The following PTPRD variants were observed in gnomAD, a reference collection of about 807,000 sequenced individuals.
PTPRD encodes the protein receptor-type tyrosine-protein phosphatase delta.
Under a neutral mutation model 214.5 loss-of-function variants are expected in PTPRD, and 34 were observed. That is an observed-to-expected ratio of 0.16 (90% CI 0.12 to 0.21). The LOEUF is 0.21. PTPRD is among the 10% of genes least tolerant of loss of function. The pLI is 1.00. For synonymous variants in PTPRD, 1,128 were observed against 845.7 expected, an observed-to-expected ratio of 1.33 and a Z score of -5.79; for missense variants, 2,545 against 2,398.7, an observed-to-expected ratio of 1.06 and a Z score of -1.27.
chr9:9,506,626 T>C (rs2096577640), intron 8 of PTPRD, among the ~76,000 whole-genome samples: 1 of 151,408 alleles, frequency 6.6e-6, no homozygotes, highest in Non-Finnish European at 1.5e-5. Flanking sequence ...AGCATATTCC[T>C]TTTTTTAAAA....
At chr9:9,265,155 G>T (rs1938667476) in intron 9 of PTPRD, among the ~76,000 whole-genome samples, 1 of 151,616 alleles carries the variant, frequency 6.6e-6, no homozygotes, top group African/African-American at 2.4e-5. Flanking sequence ...TGTAATAGTG[G>T]CATGTAAATC....
rs565839251 is a variant in PTPRD at position 8,582,752 on chromosome 9, T to C, written c.352+50565A>G. On this transcript the variant is annotated intron_variant, in intron 14 of 45. Transcript: ENST00000381196. ...GAAAATACAAATATTGGCAAGGATATGTAGAAGAGGTAAATCTTAGTTATG... is the reference window on the plus strand; with the variant it reads ...GAAAATACAAATATTGGCAAGGATACGTAGAAGAGGTAAATCTTAGTTATG... Among the ~76,000 whole-genome samples the C allele has an allele frequency of 9.8e-4, 150 of 152,324 alleles. 2 individuals carry two copies. Among genetic ancestry groups the C allele is most frequent in the South Asian group, 5.2e-3 (25 of 4,828 alleles).
intron 12 of PTPRD, among the ~76,000 whole-genome samples, chr9:8,638,411 C>G (rs925658180): frequency 6.6e-6 from 1 of 151,944 alleles, no homozygotes; most frequent in Non-Finnish European, 1.5e-5. Flanking sequence ...CTAAGCTCCA[C>G]CAATACATAT....
chr9:8,483,381 C>T (rs2096928905), intron 30 of PTPRD, among the ~76,000 whole-genome samples: 1 of 151,868 alleles, frequency 6.6e-6, no homozygotes, highest in Admixed American at 6.6e-5. Flanking sequence ...TGTAAGACTT[C>T]TTCATAATTA....
intron 2 of PTPRD, among the ~76,000 whole-genome samples, chr9:10,370,256 G>C (rs1323488): frequency 0.29 from 43,671 of 151,906 alleles, 8,467 homozygotes; most frequent in East Asian, 0.63. Context: ...TAAAAATGTA[G>C]TGAATGTAAT....
At chr9:9,743,236 G>C (rs2098422508) in intron 6 of PTPRD, among the ~76,000 whole-genome samples, 1 of 152,080 alleles carries the variant, frequency 6.6e-6, no homozygotes, top group Admixed American at 6.5e-5. Flanking sequence ...CATGCCAAAT[G>C]CATATTTCAG....
At chr9:9,178,229 C>T (rs2099926119) in intron 10 of PTPRD, among the ~76,000 whole-genome samples, 1 of 151,962 alleles carries the variant, frequency 6.6e-6, no homozygotes, top group South Asian at 2.1e-4. Context: ...AGAGATTGAA[C>T]TGTGACCTCC....
intron 11 of PTPRD, among the ~76,000 whole-genome samples, chr9:8,896,026 C>A (rs1042741093): frequency 6.6e-6 from 1 of 152,146 alleles, no homozygotes; most frequent in Non-Finnish European, 1.5e-5. Flanking sequence ...TCTTTTAAAT[C>A]TGACACACTT....
In PTPRD at chr9:9,413,039, C is replaced by T. The variant is rs528340176; in HGVS notation, c.-236-15557G>A. ...CTTGATGTAGGGTTGTTATTCCATG[C>T]AGCTATTTGTGATGAGGACAGTCAT... On this transcript the variant is annotated intron_variant, in intron 8 of 45. Coordinates refer to ENST00000381196, the MANE Select transcript of PTPRD (RefSeq NM_002839.4). Among the ~76,000 whole-genome samples the T allele has an allele frequency of 6.0e-5, 9 of 149,950 alleles. No homozygotes were observed. In the South Asian group the frequency reaches 1.9e-3, roughly 32 times the overall value.
intron 5 of PTPRD, among the ~76,000 whole-genome samples, chr9:9,823,479 T>C (rs532382924): frequency 7.9e-5 from 12 of 152,152 alleles, no homozygotes; most frequent in African/African-American, 2.4e-4. Context: ...GGGATTACAA[T>C]TGAACATGAG....
intron 5 of PTPRD, among the ~76,000 whole-genome samples, chr9:9,909,532 A>C (rs931710326): frequency 2.0e-5 from 3 of 151,962 alleles, no homozygotes; most frequent in Non-Finnish European, 2.9e-5. Flanking sequence ...TTATTGGTTG[A>C]TATATTTATA....
intron 14 of PTPRD, among the ~76,000 whole-genome samples, chr9:8,533,117 G>T (rs2076122374): frequency 6.6e-6 from 1 of 152,028 alleles, no homozygotes; most frequent in African/African-American, 2.4e-5. Flanking sequence ...CACTGTTCAT[G>T]CATAAACAAT....
chr9:10,574,813 C>CATATATATATAT (rs143887636), intron 2 of PTPRD, among the ~76,000 whole-genome samples: 13 of 136,398 alleles, frequency 9.5e-5, no homozygotes, highest in African/African-American at 2.8e-4. Context: ...TATGTGTGTG[C>CATATATATATAT]ATATATATAT....
rs576350126 is a variant in PTPRD, at chr9:8,785,293, T to C, written c.-103-51347A>G. Among the ~76,000 whole-genome samples, 30 of 152,286 alleles carry C rather than the reference T, an allele frequency of 2.0e-4. No homozygotes were observed. In the East Asian group the frequency reaches 4.2e-3, roughly 22 times the overall value. On this transcript the variant is annotated intron_variant, in intron 11 of 45. Coordinates refer to ENST00000381196, the MANE Select transcript of PTPRD (RefSeq NM_002839.4). ...AAACCCAGTCATACCGGCATAACTATTGAAGATGTTAAGAGTTAGTGCAAA... is the reference window on the plus strand; with the variant it reads ...AAACCCAGTCATACCGGCATAACTACTGAAGATGTTAAGAGTTAGTGCAAA...
chr9:9,915,462 A>T (rs1207434720), intron 5 of PTPRD, among the ~76,000 whole-genome samples: 1 of 152,082 alleles, frequency 6.6e-6, no homozygotes, highest in African/African-American at 2.4e-5. Context: ...ATAAGAGAAT[A>T]CAGATAAACA....
intron 9 of PTPRD, among the ~76,000 whole-genome samples, chr9:9,353,020 T>C (rs1295482103): frequency 6.6e-6 from 1 of 151,946 alleles, no homozygotes; most frequent in Non-Finnish European, 1.5e-5. Context: ...AATGATAAAA[T>C]TTGAATTAAT....
chr9:9,329,965 G>T (rs1293937894), intron 9 of PTPRD, among the ~76,000 whole-genome samples: 1 of 152,130 alleles, frequency 6.6e-6, no homozygotes. Context: ...GTAAGAGAAG[G>T]TGGCTTTTCC....
chr9:9,576,039 G>A (rs895481942), intron 7 of PTPRD, among the ~76,000 whole-genome samples: 10 of 152,020 alleles, frequency 6.6e-5, no homozygotes, highest in Non-Finnish European at 1.2e-4. Context: ...GTAACCTCTA[G>A]CTAATTGCTA....
chr9:8,370,153 AATAAG>A (rs1264396361), intron 39 of PTPRD, among the ~76,000 whole-genome samples: 6 of 151,956 alleles, frequency 3.9e-5, no homozygotes, highest in Non-Finnish European at 8.8e-5. Context: ...ACATTTTATA[AATAAG>A]ATAAAAACAA....
Sources: gnomAD v4.1 joint callset for allele counts (sites outside exome capture counted in the v4.1 genomes callset) on GRCh38, gnomAD v4.1.1 for gene constraint, MANE v1.5 for transcripts, NCBI Gene and HGNC (gene_info 2026-07-23, HGNC 2026-07-21) for gene names.